Variants in NPIPB9 observed in about 807,000 individuals in gnomAD.
NPIPB9 encodes the protein nuclear pore complex interacting protein family member B9, also known as nuclear pore complex-interacting protein family member B9.
NPIPB9 carries 1 observed loss-of-function variant against 5.6 expected under a neutral mutation model. That is an observed-to-expected ratio of 0.18 (90% CI 0.06 to 0.84). The LOEUF (loss-of-function observed/expected upper bound fraction) is 0.84, where lower values mean the gene tolerates loss of function less well. Among genes scored for constraint, NPIPB9 ranks in the 40% least tolerant of loss-of-function variants. NPIPB9 has a pLI of 0.70. For missense variants in NPIPB9, 3 were observed against 39.1 expected (o/e 0.08, Z 2.46); for synonymous variants, 2 against 12.5 (o/e 0.16, Z 1.77).
chr16:28,753,571 C>T lies in NPIPB9; in HGVS notation c.25+979C>T, dbSNP rs1347278589. On this transcript the variant is annotated intron_variant, in intron 1 of 7. Transcript: ENST00000550983. ...ACACACACACACACACACACACACA[C>T]ATATAGAGAGAGAGACAGAGTTTCA... Among the ~76,000 whole-genome samples, 23 of 56,244 alleles carry T rather than the reference C, an allele frequency of 4.1e-4. No individual in the cohort carries two copies. In the East Asian group the frequency reaches 0.01, roughly 25 times the overall value. The allele number at this position is 56,244 out of a possible 152,430, so 36.9% of individuals were successfully genotyped here. A position where few individuals can be genotyped will look rare whatever the true frequency, so the allele number is the denominator to read the frequency against.
At chr16:28,762,085 GACTTCTA>G (rs1476507535) in intron 2 of NPIPB9, among the ~76,000 whole-genome samples, 159 bp from the exon 2 acceptor site, 10 of 12,224 alleles carry the variant, frequency 8.2e-4, no homozygotes, top group African/African-American at 3.4e-3. Context: ...AAAAACATGA[GACTTCTA>G]ACTTCTGTTC....
chr16:28,771,499 GA>G, intron 7 of NPIPB9: 1 of 634,174 alleles, frequency 1.6e-6, no homozygotes, highest in East Asian at 2.3e-4. Context: ...AAACAGAGGG[GA>G]AATGAGAGGG....
chr16:28,769,690 G>T (rs542840770), intron 5 of NPIPB9: 1 of 853,098 alleles, frequency 1.2e-6, no homozygotes, highest in East Asian at 1.2e-4. Context: ...AAGACATATC[G>T]TGAGAGAGAG....
At chr16:28,759,188 C>T (rs1223357497) in intron 2 of NPIPB9, among the ~76,000 whole-genome samples, 2 of 76,538 alleles carry the variant, frequency 2.6e-5, no homozygotes, top group South Asian at 3.8e-4. Context: ...CAGAGTCTCA[C>T]TCTGTCGCCC....
chr16:28,756,321 C>G (rs1456471766), intron 1 of NPIPB9, among the ~76,000 whole-genome samples: 5 of 130,090 alleles, frequency 3.8e-5, no homozygotes, highest in African/African-American at 1.3e-4. Flanking sequence ...TGTCCTGCCT[C>G]AGCCTCCTGA....
At chr16:28,767,061 C>T (rs1346805779) in intron 5 of NPIPB9, among the ~76,000 whole-genome samples, 1 of 54,902 alleles carries the variant, frequency 1.8e-5, no homozygotes, top group East Asian at 5.0e-4. Context: ...GATAGAATCT[C>T]GCTCTGTCGC....
In NPIPB9 at chr16:28,757,862, TC is replaced by T; in HGVS notation, c.26-134del. The stretch of plus-strand genomic sequence containing the variant: ...TGGAGATGGTTTACTATCGGGACCT[TC>T]CGCATCCTGCTGATGTTTTGTTGCT... On this transcript the variant is annotated intron_variant, in intron 1 of 7. Coordinates refer to ENST00000550983, the Ensembl canonical transcript of NPIPB9. 8 of 421,916 alleles carry T rather than the reference TC, an allele frequency of 1.9e-5. 1 individual carries two copies. The highest frequency in any genetic ancestry group is 1.8e-4 in the South Asian group (8 of 44,824). 26.1% of individuals were successfully genotyped at this position (421,916 alleles called of 1,614,324 possible).
At chr16:28,756,438 C>G (rs1296111335) in intron 1 of NPIPB9, among the ~76,000 whole-genome samples, 1 of 112,720 alleles carries the variant, frequency 8.9e-6, no homozygotes, top group East Asian at 2.2e-4. Flanking sequence ...CTTCTAACCT[C>G]GTGATCCGCC....
chr16:28,765,023 T>G (rs1482391683), intron 3 of NPIPB9, among the ~76,000 whole-genome samples: 107 of 19,156 alleles, frequency 5.6e-3, no homozygotes, highest in Admixed American at 0.017. Flanking sequence ...TAACCTGTGG[T>G]AAAATACTTA....
intron 1 of NPIPB9, among the ~76,000 whole-genome samples, chr16:28,753,527 T>C (rs1243562703): frequency 0.011 from 464 of 40,470 alleles, 5 homozygotes; most frequent in African/African-American, 0.034. Flanking sequence ...CACACACACA[T>C]ACATACACAC....
chr16:28,753,604 G>A (rs1328241868), intron 1 of NPIPB9, among the ~76,000 whole-genome samples: 10 of 54,806 alleles, frequency 1.8e-4, no homozygotes, highest in Non-Finnish European at 2.3e-4. Context: ...TCACTCTGTC[G>A]CCCAGGCTGG....
At chr16:28,765,721 T>TGTGTG in intron 3 of NPIPB9, among the ~76,000 whole-genome samples, 1 of 38,010 alleles carries the variant, frequency 2.6e-5, no homozygotes, top group Non-Finnish European at 4.8e-5. Flanking sequence ...CATGTCATTC[T>TGTGTG]TGTGTGTGTG....
rs1277315795 is a variant in NPIPB9, at chr16:28,756,257, T to C, written c.26-1741T>C. Among the ~76,000 whole-genome samples the C allele has an allele frequency of 6.2e-5, 8 of 129,714 alleles. No homozygotes were observed. In the East Asian group the frequency reaches 1.5e-3, roughly 24 times the overall value. 85.1% of individuals were successfully genotyped at this position (129,714 alleles called of 152,430 possible). On this transcript the variant is annotated intron_variant, in intron 1 of 7. Coordinates refer to ENST00000550983, the Ensembl canonical transcript of NPIPB9. ...TTCCATTCTGTCACCCAGGCTGGAG[T>C]GCAATGGTACGATCTCGGCTCACTG...
At chr16:28,754,776 G>A (rs1262631956) in intron 1 of NPIPB9, among the ~76,000 whole-genome samples, 6 of 142,340 alleles carry the variant, frequency 4.2e-5, no homozygotes, top group South Asian at 2.3e-4. Flanking sequence ...CTAAGTCACC[G>A]CAGATTTGCT....
chr16:28,767,025 C>CTTT (rs1160796264), intron 5 of NPIPB9, among the ~76,000 whole-genome samples: 1 of 39,502 alleles, frequency 2.5e-5, no homozygotes, highest in Non-Finnish European at 4.7e-5. Flanking sequence ...CACACCCAGG[C>CTTT]TTTTTTTTTT....
rs1198866653 is a variant in NPIPB9 at position 28,753,563 on chromosome 16, CACACACACAT to C, written c.25+973_25+982del. On this transcript the variant is annotated intron_variant, in intron 1 of 7. Coordinates refer to ENST00000550983, the Ensembl canonical transcript of NPIPB9. Reference sequence around the variant, plus strand: ...ACACACACACACACACACACACACACACACACACATATAGAGAGAGAGACAGAGTTTCACT... The same window carrying C: ...ACACACACACACACACACACACACACATAGAGAGAGAGACAGAGTTTCACT... Among the ~76,000 whole-genome samples, 3 of 72,644 alleles carry C rather than the reference CACACACACAT, an allele frequency of 4.1e-5. 1 individual carries two copies. Among genetic ancestry groups the C allele is most frequent in the Non-Finnish European group, 6.0e-5 (2 of 33,500 alleles). The allele number at this position is 72,644 out of a possible 152,430, so 47.7% of individuals were successfully genotyped here.
chr16:28,767,302 T>C (rs1315561108), intron 5 of NPIPB9, among the ~76,000 whole-genome samples: 1 of 106,422 alleles, frequency 9.4e-6, no homozygotes, highest in Non-Finnish European at 2.1e-5. Flanking sequence ...TTCAAGTGAT[T>C]CTTATCCCTC....
Position 28,752,374 on chromosome 16 carries a change from G to GAC in NPIPB9, c.-193_-192dup. 1.9e-6 allele frequency: 2 copies of GAC among 1,077,554 alleles called. 1 individual carries two copies. Among genetic ancestry groups the GAC allele is most frequent in the Admixed American group, 5.4e-5 (2 of 37,006 alleles). The allele number at this position is 1,077,554 out of a possible 1,614,324, so 66.7% of individuals were successfully genotyped here. Reference sequence around the variant, plus strand: ...TTTTCTGAAGCCCTTGACCACTATAGACTCAAACATCACCTTGTTTTTCCA... The same window carrying GAC: ...TTTTCTGAAGCCCTTGACCACTATAGACACTCAAACATCACCTTGTTTTTCCA... On this transcript the variant is annotated 5_prime_UTR_variant, in exon 1 of 8. Transcript: ENST00000550983.
chr16:28,769,771 C>T (rs1399732142), intron 5 of NPIPB9, among the ~76,000 whole-genome samples: 1 of 148,106 alleles, frequency 6.8e-6, no homozygotes, highest in African/African-American at 2.5e-5. Flanking sequence ...TGTGAAGTAG[C>T]AAAACGGCTC....
Sources: allele counts gnomAD v4.1 joint callset (sites outside exome capture counted in the v4.1 genomes callset), GRCh38; gene constraint gnomAD v4.1.1; transcripts MANE v1.5; gene names NCBI Gene and HGNC (gene_info 2026-07-23, HGNC 2026-07-21).